DLC1: variants seen among roughly 807,000 people sequenced by gnomAD.
DLC1 encodes the protein DLC1 Rho GTPase activating protein.
Under a neutral mutation model 140.3 loss-of-function variants are expected in DLC1, and 54 were observed. That is an observed-to-expected ratio of 0.38 (90% CI 0.31 to 0.48). The LOEUF is 0.48. Among genes scored for constraint, DLC1 ranks in the 20% least tolerant of loss-of-function variants. The pLI is 0.96. For missense variants in DLC1, 2,536 were observed against 1,907.0 expected, an observed-to-expected ratio of 1.33 and a Z score of -6.14; for synonymous variants, 986 against 728.1, an observed-to-expected ratio of 1.35 and a Z score of -5.70.
chr8:13,450,447 T>C (rs1238140527), intron 2 of DLC1, among the ~76,000 whole-genome samples: 1 of 85,616 alleles, frequency 1.2e-5, no homozygotes, highest in African/African-American at 4.2e-5. Context: ...AGAGTGAGAC[T>C]GTCTCAAAAA....
intron 1 of DLC1, among the ~76,000 whole-genome samples, chr8:13,545,572 G>C (rs1274489238): frequency 6.6e-6 from 1 of 151,796 alleles, no homozygotes; most frequent in African/African-American, 2.4e-5. Flanking sequence ...TTGAATTCGT[G>C]GTGTTGTTGA....
intron 5 of DLC1, among the ~76,000 whole-genome samples, chr8:13,216,494 C>G (rs1431977110): frequency 5.3e-5 from 8 of 152,160 alleles, no homozygotes; most frequent in Non-Finnish European, 1.5e-5. Context: ...CCACACTCCT[C>G]CCCAACTGGC....
intron 1 of DLC1, among the ~76,000 whole-genome samples, chr8:13,582,897 T>C (rs1170935106): frequency 1.1e-4 from 11 of 99,482 alleles, no homozygotes; most frequent in Non-Finnish European, 1.1e-4. Context: ...TATATATATA[T>C]ATATATATAT....
chr8:13,433,371 C>T (rs1324815261), intron 2 of DLC1, among the ~76,000 whole-genome samples: 1 of 152,050 alleles, frequency 6.6e-6, no homozygotes, highest in African/African-American at 2.4e-5. Flanking sequence ...TGTCACATTT[C>T]CACAGTGGAA....
At chr8:13,260,254 T>C (rs1345508193) in intron 5 of DLC1, among the ~76,000 whole-genome samples, 1 of 152,130 alleles carries the variant, frequency 6.6e-6, no homozygotes, top group Non-Finnish European at 1.5e-5. Context: ...GAATGAATGA[T>C]GGATTGAAGT....
chr8:13,449,866 A>G (rs985823113), intron 2 of DLC1, among the ~76,000 whole-genome samples: 1 of 152,150 alleles, frequency 6.6e-6, no homozygotes, highest in East Asian at 1.9e-4. Flanking sequence ...GCAGGCTGTG[A>G]TGCAATGTGA....
chr8:13,455,864 G>A (rs971325481), intron 2 of DLC1, among the ~76,000 whole-genome samples: 2 of 152,108 alleles, frequency 1.3e-5, no homozygotes, highest in Non-Finnish European at 2.9e-5. Flanking sequence ...CAACAGCAGA[G>A]TAAGACCCTA....
intron 5 of DLC1, chr8:13,214,574 T>TTTTTTTG: frequency 1.5e-6 from 1 of 647,506 alleles, no homozygotes. Context: ...TTTTTTTTTT[T>TTTTTTTG]GTGGCTGCCC....
chr8:13,544,201 C>CAA (rs1278937706), intron 1 of DLC1, among the ~76,000 whole-genome samples: 1 of 69,964 alleles, frequency 1.4e-5, no homozygotes, highest in East Asian at 4.3e-4. Flanking sequence ...CACACAAACA[C>CAA]ACACACACAC....
chr8:13,159,084 A>G (rs1040673045), intron 5 of DLC1, among the ~76,000 whole-genome samples: 3 of 152,108 alleles, frequency 2.0e-5, no homozygotes, highest in Non-Finnish European at 2.9e-5. Flanking sequence ...TTCAAATTCC[A>G]CTCCATGAGC....
chr8:13,440,118 C>T (rs1036101894), intron 2 of DLC1, among the ~76,000 whole-genome samples: 1 of 152,182 alleles, frequency 6.6e-6, no homozygotes, highest in Non-Finnish European at 1.5e-5. Flanking sequence ...TCAGGACATT[C>T]ATACTTTCTT....
chr8:13,097,571 A>T (rs187900029), intron 10 of DLC1, among the ~76,000 whole-genome samples: 1 of 152,100 alleles, frequency 6.6e-6, no homozygotes, highest in Non-Finnish European at 1.5e-5. Flanking sequence ...CCCCAAAATG[A>T]TTTCTAAAAA....
chr8:13,092,628 C>G lies in DLC1; in HGVS notation c.3724G>C (p.Glu1242Gln), dbSNP rs781236191. Residue 1242 changes from glutamate to glutamine, a missense_variant, in exon 13 of 18, where the codon GAG becomes CAG. By Grantham distance (29) the Glu-to-Gln change is conservative. Coordinates refer to ENST00000276297, the MANE Select transcript of DLC1 (RefSeq NM_182643.3). ...SLFHLNTLKR[E>Q]NSSPRVMQRK... The stretch of plus-strand genomic sequence containing the variant: ...AGCCCGTACCTGGGAGAGGAATTCT[C>G]TCTCTTCAGGGTGTTGAGATGGAAG... 3 of 1,614,184 alleles carry G rather than the reference C, an allele frequency of 1.9e-6. No individual in the cohort carries two copies. The highest frequency in any genetic ancestry group is 2.5e-6 in the Non-Finnish European group (3 of 1,180,034).
chr8:13,537,334 T>C (rs571190820), intron 1 of DLC1, among the ~76,000 whole-genome samples: 87 of 152,360 alleles, frequency 5.7e-4, no homozygotes, highest in African/African-American at 2.1e-3. Flanking sequence ...ATTGCATGTT[T>C]GCTAGACTTA....
intron 2 of DLC1, among the ~76,000 whole-genome samples, chr8:13,461,453 C>G (rs966065144): frequency 6.6e-6 from 1 of 152,186 alleles, no homozygotes; most frequent in Non-Finnish European, 1.5e-5. Context: ...TCTGTCCTTG[C>G]CCTGCCAAGG....
intron 1 of DLC1, among the ~76,000 whole-genome samples, chr8:13,582,725 G>C (rs1028382722): frequency 6.6e-6 from 1 of 150,862 alleles, no homozygotes; most frequent in Non-Finnish European, 1.5e-5. Context: ...TGTCCCTCTA[G>C]AGAACCCTGA....
chr8:13,240,491 G>C (rs917266968), intron 5 of DLC1, among the ~76,000 whole-genome samples: 2 of 152,140 alleles, frequency 1.3e-5, no homozygotes, highest in African/African-American at 4.8e-5. Context: ...TATGATCACA[G>C]CTCAGCTCAC....
chr8:13,193,194 T>C (rs1826859241), intron 5 of DLC1, among the ~76,000 whole-genome samples: 2 of 152,200 alleles, frequency 1.3e-5, no homozygotes, highest in African/African-American at 4.8e-5. Flanking sequence ...AGGAATTTCC[T>C]TGCCACAGCT....
At chr8:13,559,068 C>A (rs1274081746) in intron 1 of DLC1, 1 of 152,240 alleles carries the variant, frequency 6.6e-6, no homozygotes, top group Non-Finnish European at 1.5e-5. Context: ...AAAGGACAAG[C>A]AACTGCCTCT....
Sources: gnomAD v4.1 joint callset for allele counts (sites outside exome capture counted in the v4.1 genomes callset) on GRCh38, gnomAD v4.1.1 for gene constraint, MANE v1.5 for transcripts, NCBI Gene and HGNC (gene_info 2026-07-23, HGNC 2026-07-21) for gene names.